The following DPP6 variants were observed in gnomAD, a reference collection of about 807,000 sequenced individuals.
DPP6 encodes A-type potassium channel modulatory protein DPP6.
DPP6 carries 69 observed loss-of-function variants against 122.6 expected under a neutral mutation model. The observed-to-expected ratio is 0.56, with a 90% CI of 0.46 to 0.69. The LOEUF (loss-of-function observed/expected upper bound fraction) is 0.69, where lower values mean the gene tolerates loss of function less well. Ranked by LOEUF, DPP6 falls within the 30% of genes least tolerant of loss-of-function variation. DPP6 has a pLI of 0.00. For synonymous variants in DPP6, 418 were observed against 433.1 expected (o/e 0.97, Z 0.43); for missense variants, 928 against 1,116.9 (o/e 0.83, Z 2.41).
chr7:153,993,373 T>C lies in DPP6; in HGVS notation c.51+105639T>C, dbSNP rs192124504. Among the ~76,000 whole-genome samples the C allele has an allele frequency of 3.3e-5, 5 of 152,350 alleles. No individual in the cohort carries two copies. The East Asian group carries it at 9.6e-4, about 29-fold the overall frequency. Reference sequence around the variant, plus strand: ...AGTTGACACTGATATTCGTTTAAATTTTATTTCACCTGAATAAAAAAATAT... The same window carrying C: ...AGTTGACACTGATATTCGTTTAAATCTTATTTCACCTGAATAAAAAAATAT... On this transcript the variant is annotated intron_variant, in intron 1 of 25. Transcript: ENST00000404039.
chr7:154,830,167 CTCTA>C (rs1800521758), intron 16 of DPP6, among the ~76,000 whole-genome samples: 1 of 152,188 alleles, frequency 6.6e-6, no homozygotes, highest in Non-Finnish European at 1.5e-5. Flanking sequence ...GTTTTCCTGT[CTCTA>C]TCTTTTTCAT....
intron 5 of DPP6, among the ~76,000 whole-genome samples, chr7:154,635,663 G>A (rs1403639258): frequency 2.6e-5 from 4 of 152,154 alleles, no homozygotes. Context: ...TAGCTGTGTG[G>A]CTCTGGCTCA....
chr7:154,365,957 CAAAAAAAAA>C (rs35516153), intron 1 of DPP6, among the ~76,000 whole-genome samples: 1 of 75,944 alleles, frequency 1.3e-5, no homozygotes, highest in Non-Finnish European at 2.7e-5. Context: ...GACTCCGTCT[CAAAAAAAAA>C]AAAAAAAAAA....
intron 1 of DPP6, among the ~76,000 whole-genome samples, chr7:153,942,646 G>A (rs544504166): frequency 7.9e-4 from 121 of 152,212 alleles, no homozygotes; most frequent in Admixed American, 3.3e-4. Flanking sequence ...CTGCTCAGAT[G>A]TACATCTAGG....
rs1802071034 is a variant in DPP6 at position 153,948,826 on chromosome 7, A to T, written c.51+61092A>T. On this transcript the variant is annotated intron_variant, in intron 1 of 25. Coordinates refer to the DPP6 transcript ENST00000404039. ...AGTAATCAAGCCTGGCCCATACGAGATATTAAACAGGCATGAAATAAACAG... is the reference window on the plus strand; with the variant it reads ...AGTAATCAAGCCTGGCCCATACGAGTTATTAAACAGGCATGAAATAAACAG... Among the ~76,000 whole-genome samples, 4 of 146,582 alleles carry T rather than the reference A, an allele frequency of 2.7e-5. No homozygotes were observed. The South Asian group carries it at 9.7e-4, about 35-fold the overall frequency.
chr7:153,895,922 A>T (rs530608562), intron 1 of DPP6, among the ~76,000 whole-genome samples: 2 of 152,364 alleles, frequency 1.3e-5, no homozygotes, highest in African/African-American at 2.4e-5. Flanking sequence ...AGTGCCAAGG[A>T]TGTTCTGGTT....
At chr7:154,002,754 T>C (rs1418068640) in intron 1 of DPP6, among the ~76,000 whole-genome samples, 1 of 152,168 alleles carries the variant, frequency 6.6e-6, no homozygotes, top group African/African-American at 2.4e-5. Context: ...TGTCTCAATT[T>C]GCCATCTCTG....
chr7:154,459,700 C>A (rs1408993553), intron 2 of DPP6, among the ~76,000 whole-genome samples: 2 of 150,176 alleles, frequency 1.3e-5, no homozygotes, highest in Non-Finnish European at 3.0e-5. Context: ...GCCTGTAATC[C>A]CAGCTACTTG....
intron 1 of DPP6, among the ~76,000 whole-genome samples, chr7:154,211,512 A>G (rs981392168): frequency 3.3e-5 from 5 of 152,200 alleles, no homozygotes; most frequent in Admixed American, 2.6e-4. Flanking sequence ...GGATCAGCCA[A>G]AGAGTGAACA....
intron 1 of DPP6, among the ~76,000 whole-genome samples, chr7:154,018,062 G>A (rs1798514391): frequency 6.6e-6 from 1 of 152,130 alleles, no homozygotes; most frequent in African/African-American, 2.4e-5. Context: ...GCATACCCAT[G>A]GAACCAGCTG....
chr7:154,769,089 T>C (rs1346480581), intron 8 of DPP6, among the ~76,000 whole-genome samples: 1 of 152,224 alleles, frequency 6.6e-6, no homozygotes, highest in African/African-American at 2.4e-5. Context: ...ACAATCATAG[T>C]TCAACTCAAA....
intron 7 of DPP6, among the ~76,000 whole-genome samples, chr7:154,708,838 A>G (rs776055319): frequency 4.6e-5 from 7 of 152,210 alleles, no homozygotes; most frequent in Non-Finnish European, 1.0e-4. Flanking sequence ...ACCTGAGGTC[A>G]GGAGTTCGAG....
chr7:154,206,284 C>T (rs1203507361), intron 1 of DPP6, among the ~76,000 whole-genome samples: 3 of 152,192 alleles, frequency 2.0e-5, no homozygotes, highest in Non-Finnish European at 4.4e-5. Flanking sequence ...CCTTGTTCTC[C>T]GAACCTCTGT....
chr7:154,419,309 T>C (rs1817265893), intron 1 of DPP6, among the ~76,000 whole-genome samples: 1 of 152,224 alleles, frequency 6.6e-6, no homozygotes, highest in African/African-American at 2.4e-5. Flanking sequence ...AGTAGAGGCT[T>C]ATCATTTTAG....
intron 1 of DPP6, among the ~76,000 whole-genome samples, chr7:154,314,466 C>A (rs1807254761): frequency 6.6e-6 from 1 of 152,124 alleles, no homozygotes; most frequent in African/African-American, 2.4e-5. Context: ...TCTTATAGCC[C>A]CTCTTGCCCA....
chr7:154,045,689 C>T (rs1460940312), intron 1 of DPP6, among the ~76,000 whole-genome samples: 1 of 152,204 alleles, frequency 6.6e-6, no homozygotes, highest in Non-Finnish European at 1.5e-5. Flanking sequence ...TGTAGTAAGA[C>T]TAGCAGTGCT....
intron 1 of DPP6, among the ~76,000 whole-genome samples, chr7:154,303,302 G>A (rs577180729): frequency 1.3e-5 from 2 of 152,312 alleles, no homozygotes; most frequent in Non-Finnish European, 2.9e-5. Flanking sequence ...CATTTCAGGT[G>A]TGTGAGGGGA....
chr7:153,822,358 T>A, the DPP6 span, among the ~76,000 whole-genome samples: 2 of 151,744 alleles, frequency 1.3e-5, no homozygotes, highest in Non-Finnish European at 2.9e-5. Context: ...CCCAGCTAAT[T>A]TTTTGTATTT....
rs1129301 is a variant in DPP6 at position 154,889,506 on chromosome 7, G to A, written c.2427G>A (p.Arg809=). The change falls in exon 25 of 26, where the codon AGG becomes AGA. Residue 809 remains arginine, a synonymous_variant. Transcript: ENST00000377770. ...CAGAACTCATTACACAACTAATTAG[G>A]GGAAAGGCTAATTACAGCTTACAGG... ...HTAELITQLI[R]GKANYSLQIY... The A allele has an allele frequency of 0.16, 250,043 of 1,607,022 alleles. 22,992 individuals are homozygous for A. The highest frequency in any genetic ancestry group is 0.4 in the East Asian group (17,783 of 44,576).
Sources: allele counts gnomAD v4.1 joint callset (sites outside exome capture counted in the v4.1 genomes callset), GRCh38; gene constraint gnomAD v4.1.1; transcripts MANE v1.5; gene names NCBI Gene and HGNC (gene_info 2026-07-23, HGNC 2026-07-21).